FAM169A: variants seen among roughly 807,000 people sequenced by gnomAD.
The protein encoded by FAM169A is soluble lamin-associated protein of 75 kDa.
A neutral mutation model predicts 75.7 loss-of-function variants in FAM169A; 24 were observed. The ratio of observed to expected loss-of-function variants is 0.32; its 90% CI spans 0.23 to 0.45. The LOEUF (loss-of-function observed/expected upper bound fraction) is 0.45, where lower values mean the gene tolerates loss of function less well. Ranked by LOEUF, FAM169A falls within the 20% of genes least tolerant of loss-of-function variation. The pLI is 1.00. For synonymous variants in FAM169A, 271 were observed against 271.0 expected (o/e 1.00, Z 0.00); for missense variants, 673 against 784.0 (o/e 0.86, Z 1.69).
At chr5:74,863,544 A>G (rs1750148412) in intron 1 of FAM169A, among the ~76,000 whole-genome samples, 1 of 152,210 alleles carries the variant, frequency 6.6e-6, no homozygotes, top group South Asian at 2.1e-4. Flanking sequence ...CTACATGAAT[A>G]CTCAACTCTC....
chr5:74,858,223 TA>T (rs1341011483), intron 1 of FAM169A, among the ~76,000 whole-genome samples: 1 of 151,830 alleles, frequency 6.6e-6, no homozygotes, highest in Non-Finnish European at 1.5e-5. Context: ...CCGTCTCTAC[TA>T]AAAATGCAAA....
intron 1 of FAM169A, among the ~76,000 whole-genome samples, chr5:74,860,978 A>C (rs1394872283): frequency 6.6e-6 from 1 of 152,064 alleles, no homozygotes; most frequent in Non-Finnish European, 1.5e-5. Context: ...TCTACTAAAA[A>C]GTACAAAAAT....
intron 1 of FAM169A, among the ~76,000 whole-genome samples, chr5:74,864,512 G>A (rs1018484846): frequency 2.0e-5 from 3 of 152,246 alleles, no homozygotes; most frequent in Non-Finnish European, 2.9e-5. Context: ...ACAGGTGTGA[G>A]CCACCGCACC....
Position 74,836,354 on chromosome 5 carries a change from G to C in FAM169A, c.319-1757C>G, listed in dbSNP as rs1580145000. ...TTTTAATTCTGCCCTTCACAGATTA[G>C]CTCCTCCATTCAGCACAGTGACATG... On this transcript the variant is annotated intron_variant, in intron 4 of 12. Coordinates refer to ENST00000687041, the MANE Select transcript of FAM169A (RefSeq NM_001376049.1). Among the ~76,000 whole-genome samples the C allele has an allele frequency of 3.3e-5, 5 of 152,030 alleles. No homozygotes were observed. In the South Asian group the frequency reaches 1.0e-3, roughly 32 times the overall value.
At chr5:74,864,711 C>T (rs1750220749) in intron 1 of FAM169A, among the ~76,000 whole-genome samples, 2 of 152,150 alleles carry the variant, frequency 1.3e-5, no homozygotes, top group South Asian at 4.2e-4. Flanking sequence ...CCAAACAGAT[C>T]CCCATCATTA....
chr5:74,821,093 TTTGG>T (rs1747744895), intron 5 of FAM169A, among the ~76,000 whole-genome samples: 3 of 152,194 alleles, frequency 2.0e-5, no homozygotes, highest in Admixed American at 2.0e-4. Flanking sequence ...TTTAATTTAC[TTTGG>T]TTGTCTTCAC....
intron 6 of FAM169A, among the ~76,000 whole-genome samples, chr5:74,809,617 A>C (rs1000369756): frequency 1.3e-5 from 2 of 152,168 alleles, no homozygotes; most frequent in East Asian, 3.9e-4. Flanking sequence ...ATAACTCATA[A>C]CTCAATAAGA....
intron 11 of FAM169A, among the ~76,000 whole-genome samples, chr5:74,783,563 T>C (rs914141383): frequency 1.6e-4 from 24 of 152,200 alleles, no homozygotes; most frequent in Admixed American, 1.4e-3. Context: ...CTGGAATCTA[T>C]GGGAAATTAC....
intron 6 of FAM169A, 81 bp from the exon 7 acceptor site, chr5:74,805,365 A>G (rs1746812282): frequency 7.4e-7 from 1 of 1,353,284 alleles, no homozygotes; most frequent in Non-Finnish European, 1.0e-6. Flanking sequence ...TAAGCTTCCC[A>G]ACTCACTTAA....
At position 74,781,001 on chromosome 5, in the gene FAM169A, T is replaced by G. The variant is rs998751015; in HGVS notation, c.*459A>C. 9 of 153,100 alleles carry G rather than the reference T, an allele frequency of 5.9e-5. No individual in the cohort carries two copies. Among genetic ancestry groups the G allele is most frequent in the African/African-American group, 1.9e-4 (8 of 41,504 alleles). The allele number at this position is 153,100 out of a possible 1,614,324, so 9.5% of individuals were successfully genotyped here. On this transcript the variant is annotated 3_prime_UTR_variant, in exon 13 of 13. Coordinates refer to ENST00000687041, the MANE Select transcript of FAM169A (RefSeq NM_001376049.1). ...TAATTTATTGACACTTATTTTTGTT[T>G]AGGCATGCCTACATTTTAAAAAATT...
intron 1 of FAM169A, among the ~76,000 whole-genome samples, chr5:74,864,210 T>G (rs766553815): frequency 6.6e-6 from 1 of 152,238 alleles, no homozygotes; most frequent in Non-Finnish European, 1.5e-5. Context: ...ATTATTTTGT[T>G]TTCTCCAAAT....
chr5:74,809,352 T>TG (rs1410034821), intron 6 of FAM169A, among the ~76,000 whole-genome samples: 1 of 152,128 alleles, frequency 6.6e-6, no homozygotes, highest in Non-Finnish European at 1.5e-5. Flanking sequence ...CTCAGCACTT[T>TG]GGGAGGCCGA....
At chr5:74,816,706 A>G (rs1428569347) in intron 5 of FAM169A, among the ~76,000 whole-genome samples, 4 of 152,246 alleles carry the variant, frequency 2.6e-5, no homozygotes, top group African/African-American at 9.6e-5. Context: ...AGTAAAGCAA[A>G]AACTATAACC....
At chr5:74,787,426 ATGG>A (rs1254055561) in intron 11 of FAM169A, among the ~76,000 whole-genome samples, 1 of 152,180 alleles carries the variant, frequency 6.6e-6, no homozygotes, top group Non-Finnish European at 1.5e-5. Flanking sequence ...AGAGATTGGG[ATGG>A]TGGAGTGGAT....
Position 74,866,272 on chromosome 5 carries a change from C to A in FAM169A, c.-111G>T, listed in dbSNP as rs1046426658. The A allele has an allele frequency of 3.0e-6, 3 of 983,996 alleles. No individual in the cohort carries two copies. Among genetic ancestry groups the A allele is most frequent in the African/African-American group, 3.5e-5 (2 of 57,126 alleles). The allele number at this position is 983,996 out of a possible 1,614,324, so 61.0% of individuals were successfully genotyped here. On this transcript the variant is annotated 5_prime_UTR_variant, in exon 1 of 13. Transcript: ENST00000687041. ...CTGGCGACCTCCGGCCGGTCCCAGG[C>A]CGCACAGCTCGCGGCTGCCAGGGCG...
At chr5:74,784,835 C>T (rs1745609116) in intron 11 of FAM169A, among the ~76,000 whole-genome samples, 2 of 143,438 alleles carry the variant, frequency 1.4e-5, no homozygotes, top group Admixed American at 7.2e-5. Flanking sequence ...AGAAGAATGG[C>T]GTGAACCCGG....
At chr5:74,833,698 G>T (rs377664084) in intron 5 of FAM169A, among the ~76,000 whole-genome samples, 21 of 152,144 alleles carry the variant, frequency 1.4e-4, no homozygotes, top group African/African-American at 4.8e-4. Context: ...TCTGTGAAAG[G>T]TCTTTTGGTC....
At chr5:74,811,103 C>T (rs1431905914) in intron 6 of FAM169A, among the ~76,000 whole-genome samples, 1 of 151,602 alleles carries the variant, frequency 6.6e-6, no homozygotes, top group Non-Finnish European at 1.5e-5. Context: ...GGTGACTCAG[C>T]CTTCTGAGTA....
intron 10 of FAM169A, among the ~76,000 whole-genome samples, chr5:74,797,335 C>T (rs1746331763): frequency 6.6e-6 from 1 of 152,132 alleles, no homozygotes; most frequent in Non-Finnish European, 1.5e-5. Flanking sequence ...TGCCACCACG[C>T]CCGGCTAATT....
Sources: allele counts gnomAD v4.1 joint callset (sites outside exome capture counted in the v4.1 genomes callset), GRCh38; gene constraint gnomAD v4.1.1; transcripts MANE v1.5; gene names NCBI Gene and HGNC (gene_info 2026-07-23, HGNC 2026-07-21).